Variants in ZNF496 observed in about 807,000 individuals in gnomAD.
ZNF496 encodes the protein NSD1 (nuclear receptor binding SET-domain containing 1)-interacting zinc finger protein 1.
Under a neutral mutation model 58.9 loss-of-function variants are expected in ZNF496, and 11 were observed. The ratio of observed to expected loss-of-function variants is 0.19; its 90% CI spans 0.12 to 0.31. The LOEUF is 0.31. Ranked by LOEUF, ZNF496 falls within the 10% of genes least tolerant of loss-of-function variation. ZNF496 has a pLI of 1.00. For synonymous variants in ZNF496, 338 were observed against 318.2 expected (o/e 1.06, Z -0.66); for missense variants, 660 against 783.0 (o/e 0.84, Z 1.88).
At position 247,308,812 on chromosome 1, in the gene ZNF496, G is replaced by C. The variant is rs61838683; in HGVS notation, c.893-224C>G. On this transcript the variant is annotated intron_variant, in intron 8 of 9. Coordinates refer to ENST00000682384, the MANE Select transcript of ZNF496 (RefSeq NM_032752.3). The surrounding 1 kb of genome is among the most constrained non-coding windows in gnomAD (Gnocchi z 4.5). ...ATGAGCTCTGACGCTAGACAGAATC[G>C]ACGTAGATCCGGGTTCTACTCCACC... 2 of 500,996 alleles carry C rather than the reference G, an allele frequency of 4.0e-6. No homozygotes were observed. The highest frequency in any genetic ancestry group is 7.3e-6 in the Non-Finnish European group (2 of 274,744). 31.0% of individuals were successfully genotyped at this position (500,996 alleles called of 1,614,324 possible). A position where few individuals can be genotyped will look rare whatever the true frequency, so the allele number is the denominator to read the frequency against.
intron 6 of ZNF496, among the ~76,000 whole-genome samples, chr1:247,317,445 T>A (rs1447708239): frequency 6.6e-6 from 1 of 152,142 alleles, no homozygotes; most frequent in Non-Finnish European, 1.5e-5. Context: ...CAGCAGAGAA[T>A]GACTGGGGAG....
In ZNF496 at chr1:247,308,687, C is replaced by T. The variant is rs552269276; in HGVS notation, c.893-99G>A. On this transcript the variant is annotated intron_variant, in intron 8 of 9. Coordinates refer to ENST00000682384, the MANE Select transcript of ZNF496 (RefSeq NM_032752.3). This position sits in a 1 kb window ranked among gnomAD's most constrained non-coding sequence, Gnocchi z 4.5. ...TAGATGCCAGGCTACGATCTGGGGGCGGCCCTGGGCTCCGTCCTGGGGACT... is the reference window on the plus strand; with the variant it reads ...TAGATGCCAGGCTACGATCTGGGGGTGGCCCTGGGCTCCGTCCTGGGGACT... 3.1e-5 allele frequency: 36 copies of T among 1,151,892 alleles called. No homozygotes were observed. Among genetic ancestry groups the T allele is most frequent in the South Asian group, 4.1e-5 (3 of 73,888 alleles). The allele number at this position is 1,151,892 out of a possible 1,614,324, so 71.4% of individuals were successfully genotyped here.
intron 5 of ZNF496, among the ~76,000 whole-genome samples, chr1:247,325,839 T>C (rs1660102299): frequency 6.6e-6 from 1 of 152,066 alleles, no homozygotes; most frequent in Non-Finnish European, 1.5e-5. Context: ...TGCCACCTTC[T>C]GGGATATGTA....
At position 247,318,335 on chromosome 1, in the gene ZNF496, T is replaced by C. The variant is rs374558093; in HGVS notation, c.651+4819A>G. Among the ~76,000 whole-genome samples the C allele has an allele frequency of 3.3e-5, 5 of 152,212 alleles. No individual in the cohort carries two copies. In the East Asian group the frequency reaches 7.7e-4, roughly 23 times the overall value. ...AAAAAAGTACTAGAAAAATCTAGCT[T>C]AAGAATTCCCAAGCTTGGAAAGAGA... On this transcript the variant is annotated intron_variant, in intron 6 of 9. Transcript: ENST00000682384.
intron 6 of ZNF496, among the ~76,000 whole-genome samples, chr1:247,319,193 G>A (rs1231105488): frequency 6.6e-6 from 1 of 152,112 alleles, no homozygotes; most frequent in Non-Finnish European, 1.5e-5. Context: ...TCGCTATGTT[G>A]CCCAGGCTGG....
chr1:247,308,686 G>A lies in ZNF496; in HGVS notation c.893-98C>T. 8.7e-7 allele frequency: 1 copy of A among 1,152,928 alleles called. No homozygotes were observed. Among genetic ancestry groups the A allele is most frequent in the Non-Finnish European group, 1.3e-6 (1 of 788,256 alleles). The allele number at this position is 1,152,928 out of a possible 1,614,324, so 71.4% of individuals were successfully genotyped here. ...ATAGATGCCAGGCTACGATCTGGGG[G>A]CGGCCCTGGGCTCCGTCCTGGGGAC... On this transcript the variant is annotated intron_variant, in intron 8 of 9. Coordinates refer to ENST00000682384, the MANE Select transcript of ZNF496 (RefSeq NM_032752.3). The surrounding 1 kb of genome is among the most constrained non-coding windows in gnomAD (Gnocchi z 4.5).
chr1:247,297,787 A>C lies in ZNF496; in HGVS notation c.*2732T>G, dbSNP rs531611008. Reference sequence around the variant, plus strand: ...GTTACATTACCCAGGAGGATTTCCAAATCCAGAGGCAATGTGGCCTTCCAT... The same window carrying C: ...GTTACATTACCCAGGAGGATTTCCACATCCAGAGGCAATGTGGCCTTCCAT... On this transcript the variant is annotated 3_prime_UTR_variant, in exon 10 of 10. Transcript: ENST00000682384. The C allele has an allele frequency of 2.6e-5, 4 of 152,328 alleles. No homozygotes were observed. In the East Asian group the frequency reaches 5.8e-4, roughly 22 times the overall value. The allele number at this position is 152,328 out of a possible 1,614,324, so 9.4% of individuals were successfully genotyped here.
intron 9 of ZNF496, chr1:247,307,887 C>CA (rs1241850142): frequency 2.1e-5 from 21 of 985,396 alleles, no homozygotes; most frequent in South Asian, 9.4e-5. Flanking sequence ...CAAGACGACT[C>CA]AGAGTCTACA....
chr1:247,329,545 G>C lies in ZNF496; in HGVS notation c.34C>G (p.Pro12Ala). The C allele has an allele frequency of 1.3e-6, 2 of 1,570,948 alleles. No homozygotes were observed. The highest frequency in any genetic ancestry group is 1.7e-6 in the Non-Finnish European group (2 of 1,164,490). ...PTALCPRVLA[P>A]KESEEPRKMR... ...TTCCTGGGCTCCTCACTTTCCTTCG[G>C]AGCCAAGACTCGGGGGCACAGGGCT... The change falls in exon 4 of 10, where the codon CCG becomes GCG. Residue 12 changes from proline (P) to alanine (A), a missense_variant. Coordinates refer to ENST00000682384, the MANE Select transcript of ZNF496 (RefSeq NM_032752.3). The surrounding 1 kb of genome is among the most constrained non-coding windows in gnomAD (Gnocchi z 5.5).
At position 247,308,132 on chromosome 1, in the gene ZNF496, G is replaced by T. The variant is rs79917830; in HGVS notation, c.1006+343C>A. ...GGGAAAGGCAAGGAGGGTGAGCCTG[G>T]GATTGGGAGTGAGCTGGAGAATGAC... On this transcript the variant is annotated intron_variant, in intron 9 of 9. Coordinates refer to ENST00000682384, the MANE Select transcript of ZNF496 (RefSeq NM_032752.3). This position sits in a 1 kb window ranked among gnomAD's most constrained non-coding sequence, Gnocchi z 4.5. 121 of 569,004 alleles carry T rather than the reference G, an allele frequency of 2.1e-4. No homozygotes were observed. The East Asian group carries it at 0.01, about 48-fold the overall frequency. The allele number at this position is 569,004 out of a possible 1,614,324, so 35.2% of individuals were successfully genotyped here.
intron 9 of ZNF496, among the ~76,000 whole-genome samples, chr1:247,305,667 A>G (rs1057314747): frequency 1.3e-5 from 2 of 152,236 alleles, no homozygotes; most frequent in African/African-American, 4.8e-5. Context: ...CAAAATGATA[A>G]AGGCATTATT....
intron 9 of ZNF496, among the ~76,000 whole-genome samples, chr1:247,305,374 G>A (rs934793810): frequency 3.3e-5 from 5 of 152,208 alleles, no homozygotes; most frequent in African/African-American, 1.2e-4. Context: ...TATTATTTCT[G>A]TTTTCCAAAT....
At chr1:247,318,203 G>GA (rs1358996414) in intron 6 of ZNF496, among the ~76,000 whole-genome samples, 1 of 151,842 alleles carries the variant, frequency 6.6e-6, no homozygotes, top group Non-Finnish European at 1.5e-5. Flanking sequence ...AATACAGGCT[G>GA]AAAAAAAATG....
At chr1:247,312,376 TA>T (rs1357320283) in intron 6 of ZNF496, 1 of 152,200 alleles carries the variant, frequency 6.6e-6, no homozygotes, top group African/African-American at 2.4e-5. Context: ...CTCATAAGAA[TA>T]GCTTTACTGT....
intron 6 of ZNF496, among the ~76,000 whole-genome samples, chr1:247,315,372 T>C (rs556870837): frequency 6.6e-6 from 1 of 152,194 alleles, no homozygotes; most frequent in East Asian, 1.9e-4. Flanking sequence ...GTATCACCTA[T>C]CACGATATTC....
At chr1:247,322,713 C>T (rs1196967300) in intron 6 of ZNF496, 7 of 1,289,694 alleles carry the variant, frequency 5.4e-6, no homozygotes, top group South Asian at 4.9e-5. Context: ...AGATCTGTGA[C>T]AGGACTGAAA....
chr1:247,330,876 C>T (rs1481145033), intron 2 of ZNF496, among the ~76,000 whole-genome samples: 1 of 152,258 alleles, frequency 6.6e-6, no homozygotes, highest in Non-Finnish European at 1.5e-5. Flanking sequence ...CTGAGTGGTT[C>T]CAGAAACACC....
chr1:247,309,244 C>T lies in ZNF496; in HGVS notation c.892+455G>A. The T allele has an allele frequency of 3.0e-6, 1 of 336,904 alleles. No individual in the cohort carries two copies. Among genetic ancestry groups the T allele is most frequent in the Non-Finnish European group, 4.3e-6 (1 of 231,626 alleles). 20.9% of individuals were successfully genotyped at this position (336,904 alleles called of 1,614,324 possible). A position where few individuals can be genotyped will look rare whatever the true frequency, so the allele number is the denominator to read the frequency against. On this transcript the variant is annotated intron_variant, in intron 8 of 9. Transcript: ENST00000682384. This position sits in a 1 kb window ranked among gnomAD's most constrained non-coding sequence, Gnocchi z 4.3. ...AAACTGCTGCTGCTGAGCCCCAGCACCTCCCCACACCCCAGTGTCCTCACA... is the reference window on the plus strand; with the variant it reads ...AAACTGCTGCTGCTGAGCCCCAGCATCTCCCCACACCCCAGTGTCCTCACA...
chr1:247,304,665 C>A (rs774344366), intron 9 of ZNF496, among the ~76,000 whole-genome samples: 1 of 152,218 alleles, frequency 6.6e-6, no homozygotes, highest in African/African-American at 2.4e-5. Context: ...AGCCACACCA[C>A]ACCTAGCCCT....
Sources: gnomAD v4.1 joint callset for allele counts (sites outside exome capture counted in the v4.1 genomes callset) on GRCh38, gnomAD v4.1.1 for gene constraint, Gnocchi (gnomAD v3.1) non-coding constraint, MANE v1.5 for transcripts, NCBI Gene and HGNC (gene_info 2026-07-23, HGNC 2026-07-21) for gene names.